Variants in WARS2 observed in about 807,000 individuals in gnomAD.
The protein encoded by WARS2 is tryptophanyl tRNA synthetase 2, mitochondrial.
Under a neutral mutation model 36.5 loss-of-function variants are expected in WARS2, and 28 were observed. The ratio of observed to expected loss-of-function variants is 0.77; its 90% CI spans 0.57 to 1.05. WARS2 has a LOEUF of 1.05. WARS2 is among the 50% of genes least tolerant of loss of function. The probability of loss-of-function intolerance (pLI) is 0.00; values close to 1 mark genes in which losing one functional copy is unlikely to be tolerated. For missense variants in WARS2, 435 were observed against 456.8 expected (o/e 0.95, Z 0.44); for synonymous variants, 174 against 178.4 (o/e 0.98, Z 0.20).
chr1:119,091,917 G>A (rs587673550), intron 1 of WARS2, among the ~76,000 whole-genome samples: 1 of 152,326 alleles, frequency 6.6e-6, no homozygotes, highest in East Asian at 1.9e-4. Flanking sequence ...ACTGATTAAT[G>A]AGACCAAAAT....
chr1:119,042,163 T>G, intron 4 of WARS2, 101 bp downstream of exon 4: 1 of 1,030,544 alleles, frequency 9.7e-7, no homozygotes, highest in Non-Finnish European at 1.5e-6. Context: ...TGACGCTTTC[T>G]GCACTTCCCC....
Position 119,140,555 on chromosome 1 carries a change from C to T in WARS2, c.90G>A (p.Gln30=). The change falls in exon 1 of 6, where the codon CAG becomes CAA. Residue 30 remains glutamine, a splice_region_variant and synonymous_variant. Coordinates refer to ENST00000235521, the MANE Select transcript of WARS2 (RefSeq NM_015836.4). ...HKGSAAAPAL[Q]KDSKKRVFSG... ...GGAGGGAAGGGCCGTCTTTGGTTAC[C>T]TGGAGAGCGGGAGCAGCTGCGGATC... is the stretch of plus-strand genomic sequence containing the variant. 1 of 1,613,136 alleles carries T rather than the reference C, an allele frequency of 6.2e-7. No homozygotes were observed. The highest frequency in any genetic ancestry group is 8.5e-7 in the Non-Finnish European group (1 of 1,179,272).
intron 2 of WARS2, among the ~76,000 whole-genome samples, chr1:119,056,084 C>T (rs1260485422): frequency 6.7e-6 from 1 of 148,784 alleles, no homozygotes; most frequent in East Asian, 2.0e-4. Context: ...AGTGGTGTGA[C>T]CTTGGCTCAC....
At chr1:119,039,705 T>C (rs1648186960) in intron 4 of WARS2, among the ~76,000 whole-genome samples, 1 of 152,180 alleles carries the variant, frequency 6.6e-6, no homozygotes, top group Non-Finnish European at 1.5e-5. Flanking sequence ...CATAAATCTT[T>C]TATAAACTTA....
intron 2 of WARS2, among the ~76,000 whole-genome samples, chr1:119,068,157 T>C (rs560987074): frequency 2.6e-5 from 4 of 152,206 alleles, no homozygotes; most frequent in African/African-American, 4.8e-5. Flanking sequence ...TCCCTTTCCA[T>C]TGTGAGCTGA....
Position 119,082,971 on chromosome 1 carries a change from G to A in WARS2, c.91-6364C>T, listed in dbSNP as rs371257571. 7.7e-4 allele frequency among the ~76,000 whole-genome samples: 117 copies of A among 152,316 alleles called. 1 individual carries two copies. The South Asian group carries it at 0.019, about 25-fold the overall frequency. On this transcript the variant is annotated intron_variant, in intron 1 of 5. Transcript: ENST00000235521. ...AGGCTGGGTGTGGTGGCTCACACCT[G>A]CAATCCCAGCACTTTGGGAGGCCAA...
In WARS2 at chr1:119,078,947, G is replaced by GAC. The variant is rs35343555; in HGVS notation, c.91-2342_91-2341dup. On this transcript the variant is annotated intron_variant, in intron 1 of 5. Transcript: ENST00000235521. ...ATATATGGATACATACATATAGCTA[G>GAC]ACACACACACACACACATATGCATA... Among the ~76,000 whole-genome samples the GAC allele has an allele frequency of 1.0e-3, 151 of 150,478 alleles. 1 individual carries two copies. The highest frequency in any genetic ancestry group is 1.6e-3 in the Non-Finnish European group (106 of 67,414).
At chr1:119,105,677 C>G (rs1042777687) in intron 1 of WARS2, among the ~76,000 whole-genome samples, 1 of 152,146 alleles carries the variant, frequency 6.6e-6, no homozygotes, top group Admixed American at 6.5e-5. Flanking sequence ...TTTGGGAGGC[C>G]TAGGTGAGCG....
chr1:119,076,624 C>A lies in WARS2; in HGVS notation c.91-17G>T, dbSNP rs1243543447. The stretch of plus-strand genomic sequence containing the variant: ...GCTGTCTTTCTGGAACAAAGGAAAA[C>A]AAGCATATTTGCTTTTGAGGCAGAA... On this transcript the variant is annotated splice_polypyrimidine_tract_variant and intron_variant, in intron 1 of 5. Transcript: ENST00000235521. 6.2e-7 allele frequency: 1 copy of A among 1,613,430 alleles called. No homozygotes were observed. The highest frequency in any genetic ancestry group is 8.5e-7 in the Non-Finnish European group (1 of 1,179,690).
At chr1:119,122,353 A>G (rs1276803885) in intron 1 of WARS2, among the ~76,000 whole-genome samples, 1 of 152,154 alleles carries the variant, frequency 6.6e-6, no homozygotes, top group Non-Finnish European at 1.5e-5. Flanking sequence ...ATACCACCTT[A>G]CTCCTGCAAG....
chr1:119,091,059 T>C (rs1258366962), intron 1 of WARS2, among the ~76,000 whole-genome samples: 1 of 152,242 alleles, frequency 6.6e-6, no homozygotes, highest in African/African-American at 2.4e-5. Context: ...TAAGTTCAGA[T>C]ATTAAGTAAT....
intron 1 of WARS2, among the ~76,000 whole-genome samples, chr1:119,099,773 C>T (rs1653725204): frequency 6.6e-6 from 1 of 152,086 alleles, no homozygotes; most frequent in Non-Finnish European, 1.5e-5. Context: ...AAACTGAACC[C>T]TTATCTCTTA....
At chr1:119,128,506 T>C (rs1011982550) in intron 1 of WARS2, among the ~76,000 whole-genome samples, 1 of 152,136 alleles carries the variant, frequency 6.6e-6, no homozygotes, top group Non-Finnish European at 1.5e-5. Flanking sequence ...ATTCCTCAAC[T>C]CTGGTCTTTT....
chr1:119,119,636 T>C (rs587616464), intron 1 of WARS2, among the ~76,000 whole-genome samples: 1 of 152,168 alleles, frequency 6.6e-6, no homozygotes, highest in East Asian at 1.9e-4. Context: ...TGGAACATCC[T>C]CCAAGATAGA....
intron 4 of WARS2, among the ~76,000 whole-genome samples, chr1:119,037,920 T>G (rs1192450884): frequency 6.6e-6 from 1 of 152,260 alleles, no homozygotes; most frequent in Non-Finnish European, 1.5e-5. Flanking sequence ...AGCCTCTAAA[T>G]AGATGGCCCC....
At chr1:119,055,948 G>A (rs1408753321) in intron 2 of WARS2, among the ~76,000 whole-genome samples, 1 of 151,458 alleles carries the variant, frequency 6.6e-6, no homozygotes, top group Non-Finnish European at 1.5e-5. Flanking sequence ...CTCTGAGCAG[G>A]CTGTTTCTTG....
At chr1:119,082,790 T>G (rs1652301634) in intron 1 of WARS2, among the ~76,000 whole-genome samples, 1 of 152,220 alleles carries the variant, frequency 6.6e-6, no homozygotes, top group African/African-American at 2.4e-5. Context: ...CATAATGTTC[T>G]TCCCCAGGTG....
intron 2 of WARS2, among the ~76,000 whole-genome samples, chr1:119,058,269 A>C (rs1219928034): frequency 6.7e-6 from 1 of 149,522 alleles, no homozygotes; most frequent in Non-Finnish European, 1.5e-5. Context: ...AAAATATTTG[A>C]CCATATATAT....
At position 119,070,758 on chromosome 1, in the gene WARS2, TAA is replaced by T. The variant is rs1391621231; in HGVS notation, c.348+5590_348+5591del. 5.9e-5 allele frequency among the ~76,000 whole-genome samples: 9 copies of T among 152,000 alleles called. No homozygotes were observed. In the South Asian group the frequency reaches 1.4e-3, roughly 24 times the overall value. On this transcript the variant is annotated intron_variant, in intron 2 of 5. Coordinates refer to ENST00000235521, the MANE Select transcript of WARS2 (RefSeq NM_015836.4). ...ACCCTGTCATAAATAAATAAATAAA[TAA>T]ATAAAATAGTTTCCTAATAAGCATT...
Sources: gnomAD v4.1 joint callset for allele counts (sites outside exome capture counted in the v4.1 genomes callset) on GRCh38, gnomAD v4.1.1 for gene constraint, MANE v1.5 for transcripts, NCBI Gene and HGNC (gene_info 2026-07-23, HGNC 2026-07-21) for gene names.